IWS1: variants seen among roughly 807,000 people sequenced by gnomAD.
The protein encoded by IWS1 is protein IWS1 homolog.
A neutral mutation model predicts 86.7 loss-of-function variants in IWS1; 27 were observed. The observed-to-expected ratio is 0.31, with a 90% CI of 0.23 to 0.43. IWS1 has a LOEUF of 0.43. Among genes scored for constraint, IWS1 ranks in the 20% least tolerant of loss-of-function variants. IWS1 has a pLI of 1.00. For synonymous variants in IWS1, 313 were observed against 335.1 expected (o/e 0.93, Z 0.72); for missense variants, 827 against 1,000.8 (o/e 0.83, Z 2.34).
Position 127,489,427 on chromosome 2 carries a change from A to C in IWS1, c.2160-192T>G. On this transcript the variant is annotated intron_variant, in intron 11 of 13. Transcript: ENST00000295321. The surrounding 1 kb of genome is among the most constrained non-coding windows in gnomAD (Gnocchi z 4.8). Reference sequence around the variant, plus strand: ...ATTTGCATAACAGGTTTCCTTGTGGATGAGCCGTAATTGCCACATTTGTAA... The same window carrying C: ...ATTTGCATAACAGGTTTCCTTGTGGCTGAGCCGTAATTGCCACATTTGTAA... The C allele has an allele frequency of 5.3e-6, 3 of 570,456 alleles. No homozygotes were observed. The highest frequency in any genetic ancestry group is 9.4e-6 in the Non-Finnish European group (3 of 319,272). The allele number at this position is 570,456 out of a possible 1,614,324, so 35.3% of individuals were successfully genotyped here. A position where few individuals can be genotyped will look rare whatever the true frequency, so the allele number is the denominator to read the frequency against.
chr2:127,487,021 T>C (rs1301387692), intron 12 of IWS1, among the ~76,000 whole-genome samples: 2 of 152,232 alleles, frequency 1.3e-5, no homozygotes, highest in East Asian at 3.8e-4. Flanking sequence ...GAGTCACTCA[T>C]GAGTTCACTT....
rs761126248 is a variant in IWS1, at chr2:127,481,067, C to T, written c.2437G>A (p.Glu813Lys). 48 of 1,611,430 alleles carry T rather than the reference C, an allele frequency of 3.0e-5. No individual in the cohort carries two copies. Among genetic ancestry groups the T allele is most frequent in the Non-Finnish European group, 4.1e-5 (48 of 1,179,204 alleles). Residue 813 changes from glutamate (E) to lysine (K), a missense_variant, in exon 14 of 14, where the codon GAG becomes AAG. Glu to Lys is a moderately conservative substitution (Grantham distance 56). Around this residue, in one of 2 missense-constraint regions of IWS1, gnomAD observed 279 missense variants for 440.6 expected, o/e 0.63. Coordinates refer to ENST00000295321, the MANE Select transcript of IWS1 (RefSeq NM_017969.3). ...GGTCACAATGGCATTTTGTTGCCCT[C>T]AATGCTGATTTTCACTGCGTGTGCA... ...RSAHAVKISI[E>K]GNKMPL
chr2:127,490,587 T>C (rs749625009), intron 10 of IWS1, among the ~76,000 whole-genome samples: 1 of 152,186 alleles, frequency 6.6e-6, no homozygotes, highest in African/African-American at 2.4e-5. Context: ...AGGACCTTTA[T>C]AGACCGAACA....
chr2:127,502,699 G>T lies in IWS1; in HGVS notation c.1467+116C>A. 7.7e-6 allele frequency: 4 copies of T among 522,052 alleles called. No homozygotes were observed. In the South Asian group the frequency reaches 9.1e-5, roughly 12 times the overall value. 32.3% of individuals were successfully genotyped at this position (522,052 alleles called of 1,614,324 possible). ...AATCCCTCTTCTAGATTTTTATCTTGAATACATCATAATTGTTTATTCCTA... is the reference window on the plus strand; with the variant it reads ...AATCCCTCTTCTAGATTTTTATCTTTAATACATCATAATTGTTTATTCCTA... On this transcript the variant is annotated intron_variant, in intron 5 of 13. Coordinates refer to ENST00000295321, the MANE Select transcript of IWS1 (RefSeq NM_017969.3).
chr2:127,512,177 G>A (rs748665637), intron 2 of IWS1, among the ~76,000 whole-genome samples: 4 of 152,118 alleles, frequency 2.6e-5, no homozygotes, highest in Admixed American at 6.5e-5. Context: ...ACAGGCTTCT[G>A]GATGTTAAGA....
chr2:127,506,467 T>C (rs1332800647), intron 2 of IWS1, among the ~76,000 whole-genome samples: 1 of 152,190 alleles, frequency 6.6e-6, no homozygotes, highest in African/African-American at 2.4e-5. Context: ...TTGGGTTTTA[T>C]AAGGTTAAGA....
intron 2 of IWS1, among the ~76,000 whole-genome samples, chr2:127,520,740 C>T (rs1037466300): frequency 6.6e-6 from 1 of 152,102 alleles, no homozygotes; most frequent in Non-Finnish European, 1.5e-5. Context: ...TGGCAGCTTT[C>T]TAAGGAAACA....
intron 2 of IWS1, among the ~76,000 whole-genome samples, chr2:127,520,539 G>C (rs1329230850): frequency 6.6e-6 from 1 of 152,072 alleles, no homozygotes; most frequent in Non-Finnish European, 1.5e-5. Flanking sequence ...TGTTTAATGA[G>C]AAAACAAAAT....
At chr2:127,495,866 G>A in intron 7 of IWS1, 132 bp downstream of exon 7, 1 of 772,936 alleles carries the variant, frequency 1.3e-6, no homozygotes, top group Non-Finnish European at 1.9e-6. Flanking sequence ...GATTAAAATT[G>A]AGAACAGTAA....
intron 6 of IWS1, among the ~76,000 whole-genome samples, chr2:127,496,897 A>G (rs2679402): frequency 0.14 from 22,026 of 151,962 alleles, 2,826 homozygotes; most frequent in African/African-American, 0.33. Flanking sequence ...TTTAACTGCA[A>G]CTTTTCTATG....
At chr2:127,501,011 A>G (rs1690773752) in intron 5 of IWS1, among the ~76,000 whole-genome samples, 1 of 152,196 alleles carries the variant, frequency 6.6e-6, no homozygotes, top group Admixed American at 6.5e-5. Context: ...TACTGCTGTC[A>G]TGTTTTAATT....
At chr2:127,510,752 A>C (rs1691405503) in intron 2 of IWS1, among the ~76,000 whole-genome samples, 1 of 151,894 alleles carries the variant, frequency 6.6e-6, no homozygotes, top group Non-Finnish European at 1.5e-5. Flanking sequence ...CTCCCAACCA[A>C]GTTTAAGATT....
intron 2 of IWS1, among the ~76,000 whole-genome samples, chr2:127,506,175 C>T (rs1691139658): frequency 6.6e-6 from 1 of 152,098 alleles, no homozygotes; most frequent in Non-Finnish European, 1.5e-5. Context: ...CGAGACCAGC[C>T]CGGCCAACAT....
chr2:127,524,914 G>C (rs1368454888), intron 1 of IWS1, among the ~76,000 whole-genome samples: 1 of 151,210 alleles, frequency 6.6e-6, no homozygotes, highest in Non-Finnish European at 1.5e-5. Context: ...TTGAGACAGA[G>C]TCTTGCTCTG....
In IWS1 at chr2:127,523,682, A is replaced by G; in HGVS notation, c.144T>C (p.His48=). 6.2e-7 allele frequency: 1 copy of G among 1,608,694 alleles called. No individual in the cohort carries two copies. Among genetic ancestry groups the G allele is most frequent in the Admixed American group, 1.7e-5 (1 of 59,414 alleles). Residue 48 remains histidine (H), a synonymous_variant, in exon 2 of 14, where the codon CAT becomes CAC. Coordinates refer to ENST00000295321, the MANE Select transcript of IWS1 (RefSeq NM_017969.3). The stretch of plus-strand genomic sequence containing the variant: ...GATGTTGGTTAGCCAATACCTCTGA[A>G]TGACGTTCTACACTTCCAGTGTCTG... ...SGSDTGSVER[H]SENETSDRED...
In IWS1 at chr2:127,480,909, G is replaced by GT. The variant is rs1689590839; in HGVS notation, c.*134dup. ...GGTTTTAAATATAACTGAGAGAAAT[G>GT]TGAGTCCTATGACAACATCTGATAC... On this transcript the variant is annotated 3_prime_UTR_variant, in exon 14 of 14. Transcript: ENST00000295321. The GT allele has an allele frequency of 3.4e-6, 3 of 891,960 alleles. No homozygotes were observed. The highest frequency in any genetic ancestry group is 5.0e-6 in the Non-Finnish European group (3 of 594,954). The allele number at this position is 891,960 out of a possible 1,614,324, so 55.3% of individuals were successfully genotyped here.
At chr2:127,526,110 C>G in intron 1 of IWS1, 65 bp downstream of exon 1, 1 of 1,497,766 alleles carries the variant, frequency 6.7e-7, no homozygotes, top group South Asian at 1.2e-5. Context: ...CCGCGGGGTG[C>G]CAGGCCAAGC....
At chr2:127,491,282 C>G (rs1047955930) in intron 10 of IWS1, among the ~76,000 whole-genome samples, 1 of 152,188 alleles carries the variant, frequency 6.6e-6, no homozygotes, top group African/African-American at 2.4e-5. Context: ...ACATAATTAT[C>G]TCAACTTTAC....
At chr2:127,523,145 G>A (rs1397694540) in intron 2 of IWS1, among the ~76,000 whole-genome samples, 1 of 152,190 alleles carries the variant, frequency 6.6e-6, no homozygotes, top group South Asian at 2.1e-4. Context: ...CAGAGGCAGA[G>A]GCTGCAGTGA....
Sources: allele counts gnomAD v4.1 joint callset (sites outside exome capture counted in the v4.1 genomes callset), GRCh38; gene constraint gnomAD v4.1.1; regional missense constraint gnomAD v4.1.1; non-coding constraint Gnocchi (gnomAD v3.1); transcripts MANE v1.5; gene names NCBI Gene and HGNC (gene_info 2026-07-23, HGNC 2026-07-21).